Variants in PRKG1 observed in about 807,000 individuals in gnomAD.
The protein encoded by PRKG1 is cGMP-dependent protein kinase 1.
A neutral mutation model predicts 88.1 loss-of-function variants in PRKG1; 35 were observed. The ratio of observed to expected loss-of-function variants is 0.40; its 90% CI spans 0.30 to 0.53. PRKG1 has a LOEUF of 0.53. Among genes scored for constraint, PRKG1 ranks in the 20% least tolerant of loss-of-function variants. PRKG1 has a pLI of 0.59. For missense variants in PRKG1, 540 were observed against 839.8 expected, an observed-to-expected ratio of 0.64 and a Z score of 4.41; for synonymous variants, 303 against 292.5, an observed-to-expected ratio of 1.04 and a Z score of -0.37.
intron 2 of PRKG1, among the ~76,000 whole-genome samples, chr10:51,301,681 C>G (rs1213774607): frequency 1.3e-5 from 2 of 152,184 alleles, no homozygotes; most frequent in Admixed American, 6.5e-5. Context: ...GGAAGCCAAG[C>G]TGGCCCAGTC....
intron 14 of PRKG1, among the ~76,000 whole-genome samples, chr10:52,287,713 A>T (rs546782507): frequency 1.8e-4 from 27 of 152,016 alleles, no homozygotes; most frequent in African/African-American, 4.8e-4. Context: ...AAAAAAAAAA[A>T]AAAAAAAATC....
intron 9 of PRKG1, among the ~76,000 whole-genome samples, chr10:52,188,285 T>C (rs1327114758): frequency 3.0e-5 from 1 of 32,934 alleles, no homozygotes; most frequent in African/African-American, 8.8e-5. Flanking sequence ...TATACATATA[T>C]ATGTGTATAT....
intron 2 of PRKG1, among the ~76,000 whole-genome samples, chr10:51,206,709 T>C (rs1051425068): frequency 6.6e-6 from 1 of 152,232 alleles, no homozygotes; most frequent in Non-Finnish European, 1.5e-5. Context: ...TTGATCACTC[T>C]TGTGTGACTT....
chr10:51,605,279 G>A (rs1361842810), intron 3 of PRKG1, among the ~76,000 whole-genome samples: 1 of 152,154 alleles, frequency 6.6e-6, no homozygotes, highest in Non-Finnish European at 1.5e-5. Flanking sequence ...CTTGGAAAAT[G>A]CAACATTTGG....
intron 1 of PRKG1, among the ~76,000 whole-genome samples, chr10:51,104,698 T>TTTA (rs1844779763): frequency 7.3e-6 from 1 of 136,154 alleles, no homozygotes; most frequent in Non-Finnish European, 1.6e-5. Flanking sequence ...TTTATTTTTA[T>TTTA]TTTATTTATT....
rs1167219822 is a variant in PRKG1, at chr10:51,843,093, C to CTTTTTTTTTTTTTT, written c.698+38413_698+38426dup. Among the ~76,000 whole-genome samples the CTTTTTTTTTTTTTT allele has an allele frequency of 7.5e-4, 66 of 87,892 alleles. 5 individuals are homozygous for CTTTTTTTTTTTTTT. The highest frequency in any genetic ancestry group is 1.0e-3 in the Non-Finnish European group (45 of 43,426). 57.7% of individuals were successfully genotyped at this position (87,892 alleles called of 152,430 possible). A position where few individuals can be genotyped will look rare whatever the true frequency, so the allele number is the denominator to read the frequency against. On this transcript the variant is annotated intron_variant, in intron 4 of 17. Transcript: ENST00000373980. ...TTTATTTAAATTTAGGAAAATTATTCTTTTTTTTTTTTTTTTTTTTTTTGA... is the reference window on the plus strand; with the variant it reads ...TTTATTTAAATTTAGGAAAATTATTCTTTTTTTTTTTTTTTTTTTTTTTTTTTTTTTTTTTTTGA...
chr10:51,464,706 A>T (rs1839840511), intron 2 of PRKG1, among the ~76,000 whole-genome samples: 1 of 151,528 alleles, frequency 6.6e-6, no homozygotes, highest in Admixed American at 6.6e-5. Flanking sequence ...CCCGGCTAAA[A>T]CGGTGAAACC....
chr10:52,249,783 C>T (rs1267618072), intron 9 of PRKG1, among the ~76,000 whole-genome samples: 2 of 151,848 alleles, frequency 1.3e-5, no homozygotes. Flanking sequence ...AAGATTGCAC[C>T]GCTGCACTCT....
chr10:51,112,477 A>G lies in PRKG1; in HGVS notation c.311+37576A>G, dbSNP rs111425702. Among the ~76,000 whole-genome samples, 696 of 152,248 alleles carry G rather than the reference A, an allele frequency of 4.6e-3. 5 individuals are homozygous for G. The highest frequency in any genetic ancestry group is 0.016 in the African/African-American group (658 of 41,554). ...TATTATATATAATACAGATCTTGCC[A>G]GATTTTATCATCCTCATGAATTTCT... On this transcript the variant is annotated intron_variant, in intron 1 of 17. Coordinates refer to ENST00000373980, the MANE Select transcript of PRKG1 (RefSeq NM_006258.4).
chr10:52,282,026 G>T (rs1842012368), intron 13 of PRKG1, 127 bp from the exon 14 acceptor site: 1 of 1,016,028 alleles, frequency 9.8e-7, no homozygotes. Context: ...ATTCTTTTTG[G>T]AAGACAGAAC....
intron 2 of PRKG1, among the ~76,000 whole-genome samples, chr10:51,253,927 A>G (rs753689673): frequency 7.9e-5 from 12 of 152,008 alleles, no homozygotes; most frequent in Non-Finnish European, 4.4e-5. Flanking sequence ...TCTGTTGTAA[A>G]TCAAACAGCT....
chr10:51,467,387 T>A (rs1239037238), intron 2 of PRKG1, among the ~76,000 whole-genome samples: 1 of 151,988 alleles, frequency 6.6e-6, no homozygotes, highest in East Asian at 1.9e-4. Context: ...CTTACTCAAG[T>A]TTTCTTTCAG....
intron 5 of PRKG1, among the ~76,000 whole-genome samples, chr10:51,922,781 T>G (rs908356553): frequency 6.6e-6 from 1 of 152,056 alleles, no homozygotes; most frequent in African/African-American, 2.4e-5. Flanking sequence ...TTTATTCTTT[T>G]GAATTTGTTA....
intron 1 of PRKG1, among the ~76,000 whole-genome samples, chr10:51,030,380 T>C (rs941458819): frequency 2.0e-5 from 3 of 152,198 alleles, no homozygotes; most frequent in African/African-American, 7.2e-5. Context: ...TAAATTATAA[T>C]GAATTATAAA....
chr10:51,500,748 C>G (rs753873977), intron 3 of PRKG1, among the ~76,000 whole-genome samples: 10 of 152,098 alleles, frequency 6.6e-5, no homozygotes, highest in Non-Finnish European at 1.3e-4. Context: ...TCATGTGGTC[C>G]TGGAGGAGCT....
intron 3 of PRKG1, among the ~76,000 whole-genome samples, chr10:51,704,274 T>C (rs931051435): frequency 2.6e-5 from 4 of 152,028 alleles, no homozygotes; most frequent in African/African-American, 9.7e-5. Context: ...GATAGATAGA[T>C]ATTTTGTTTT....
At chr10:51,518,906 T>C (rs1381230887) in intron 3 of PRKG1, among the ~76,000 whole-genome samples, 1 of 152,220 alleles carries the variant, frequency 6.6e-6, no homozygotes, top group Non-Finnish European at 1.5e-5. Context: ...TTCTTAGCTA[T>C]AAGGATTTGA....
chr10:51,525,747 T>G (rs1415246831), intron 3 of PRKG1, among the ~76,000 whole-genome samples: 1 of 151,138 alleles, frequency 6.6e-6, no homozygotes, highest in African/African-American at 2.4e-5. Flanking sequence ...TATGAAATGA[T>G]AAAATAAACT....
intron 5 of PRKG1, among the ~76,000 whole-genome samples, chr10:51,945,907 C>T (rs1388433739): frequency 6.6e-6 from 1 of 150,952 alleles, no homozygotes; most frequent in African/African-American, 2.5e-5. Flanking sequence ...TTCATTTCAA[C>T]TTTGGTGAAT....
Sources: allele counts gnomAD v4.1 joint callset (sites outside exome capture counted in the v4.1 genomes callset), GRCh38; gene constraint gnomAD v4.1.1; transcripts MANE v1.5; gene names NCBI Gene and HGNC (gene_info 2026-07-23, HGNC 2026-07-21).